TUT7: variants seen among roughly 807,000 people sequenced by gnomAD.
TUT7 encodes the protein terminal uridylyltransferase 7.
In TUT7, 33 loss-of-function variants were observed where a neutral mutation model predicts 165.9. That is an observed-to-expected ratio of 0.20 (90% CI 0.15 to 0.27). TUT7 has a LOEUF of 0.27. TUT7 is among the 10% of genes least tolerant of loss of function. TUT7 has a pLI of 1.00. For missense variants in TUT7, 1,338 were observed against 1,762.3 expected (o/e 0.76, Z 4.31); for synonymous variants, 552 against 608.1 (o/e 0.91, Z 1.36).
At chr9:86,313,476 A>C (rs1356424817) in intron 17 of TUT7, among the ~76,000 whole-genome samples, 1 of 152,218 alleles carries the variant, frequency 6.6e-6, no homozygotes, top group African/African-American at 2.4e-5. Context: ...TGATAGGGAT[A>C]TGTGAAGAGT....
At chr9:86,339,405 C>G (rs768333381) in intron 8 of TUT7, among the ~76,000 whole-genome samples, 1 of 152,106 alleles carries the variant, frequency 6.6e-6, no homozygotes, top group Non-Finnish European at 1.5e-5. Context: ...GTACTCCCAA[C>G]TACTCGGAAG....
chr9:86,340,911 G>T, intron 7 of TUT7, 91 bp downstream of exon 7: 1 of 968,568 alleles, frequency 1.0e-6, no homozygotes, highest in Non-Finnish European at 1.6e-6. Flanking sequence ...AATTTTAAAA[G>T]CATGCCTTGC....
intron 14 of TUT7, among the ~76,000 whole-genome samples, chr9:86,320,857 G>T (rs700765): frequency 6.6e-6 from 1 of 152,164 alleles, no homozygotes; most frequent in Admixed American, 6.5e-5. Context: ...AAAAAATGTC[G>T]CTCCCTTACC....
intron 22 of TUT7, among the ~76,000 whole-genome samples, chr9:86,307,470 A>C (rs531011756): frequency 5.1e-4 from 78 of 152,392 alleles, no homozygotes; most frequent in Non-Finnish European, 9.8e-4. Context: ...CAATAGGCAG[A>C]AATAATAATA....
In TUT7 at chr9:86,337,575, T is replaced by G. The variant is rs754100130; in HGVS notation, c.1336-37A>C. On this transcript the variant is annotated intron_variant, in intron 9 of 26. Transcript: ENST00000375963. ...AGAAAAGAAAGTTAAGCATTCTTTT[T>G]GTATGAATTTGTCATTTACACGATT... 7 of 1,578,680 alleles carry G rather than the reference T, an allele frequency of 4.4e-6. No homozygotes were observed. In the Admixed American group the frequency reaches 7.9e-5, roughly 18 times the overall value.
At chr9:86,295,348 C>T (rs1191438132) in intron 26 of TUT7, among the ~76,000 whole-genome samples, 1 of 151,696 alleles carries the variant, frequency 6.6e-6, no homozygotes, top group African/African-American at 2.4e-5. Context: ...TTTACAGCCC[C>T]CCTCCCCCAA....
At chr9:86,297,921 C>CTATTTTTTT (rs1826490625) in intron 26 of TUT7, among the ~76,000 whole-genome samples, 2 of 86,498 alleles carry the variant, frequency 2.3e-5, no homozygotes, top group African/African-American at 1.1e-4. Context: ...GCCTGCTCCA[C>CTATTTTTTT]TTTTTTTTTT....
At chr9:86,318,935 G>A (rs774293008) in intron 16 of TUT7, 23 bp downstream of exon 16, 2 of 1,574,102 alleles carry the variant, frequency 1.3e-6, no homozygotes, top group African/African-American at 2.7e-5. Context: ...ACAGCAAATG[G>A]AAGTTTTATG....
chr9:86,322,084 A>G (rs1829354817), intron 14 of TUT7, among the ~76,000 whole-genome samples: 1 of 152,022 alleles, frequency 6.6e-6, no homozygotes, highest in Non-Finnish European at 1.5e-5. Context: ...TCAAAATTTA[A>G]AAAAAAATTT....
At chr9:86,320,746 G>C (rs1355470143) in intron 14 of TUT7, among the ~76,000 whole-genome samples, 1 of 152,118 alleles carries the variant, frequency 6.6e-6, no homozygotes, top group East Asian at 1.9e-4. Flanking sequence ...GCCCCTCACA[G>C]AGACAGTACT....
chr9:86,315,625 T>G lies in TUT7; in HGVS notation c.3274+1594A>C, dbSNP rs372844054. Among the ~76,000 whole-genome samples the G allele has an allele frequency of 8.5e-5, 13 of 152,360 alleles. No homozygotes were observed. The East Asian group carries it at 2.3e-3, about 27-fold the overall frequency. On this transcript the variant is annotated intron_variant, in intron 17 of 26. Transcript: ENST00000375963. ...TAGTCACGCTAACTTAGTACTTCAG[T>G]TTCTTTGCACGACCTTCAAAACAAA... is the stretch of plus-strand genomic sequence containing the variant.
At chr9:86,336,548 G>GA (rs1437412148) in intron 10 of TUT7, among the ~76,000 whole-genome samples, 3 of 152,094 alleles carry the variant, frequency 2.0e-5, no homozygotes, top group Non-Finnish European at 4.4e-5. Flanking sequence ...TCAGTATAAG[G>GA]AAAAAATTCT....
Position 86,304,962 on chromosome 9 carries a change from AAG to A in TUT7, c.3887-17_3887-16del, listed in dbSNP as rs746568783. On this transcript the variant is annotated splice_polypyrimidine_tract_variant and intron_variant, in intron 23 of 26. Coordinates refer to ENST00000375963, the MANE Select transcript of TUT7 (RefSeq NM_024617.4). ...AAAATTTGTCACTAAAAAGAAGAGT[AAG>A]AACTCACTTAGGCGGGTTAAAAGGA... The A allele has an allele frequency of 1.2e-5, 18 of 1,552,934 alleles. No individual in the cohort carries two copies. In the South Asian group the frequency reaches 1.8e-4, roughly 16 times the overall value.
chr9:86,302,659 C>A (rs1449554984), intron 25 of TUT7, among the ~76,000 whole-genome samples: 1 of 149,078 alleles, frequency 6.7e-6, no homozygotes, highest in Non-Finnish European at 1.5e-5. Flanking sequence ...CTCTTTTGCC[C>A]AGGCTGGAGT....
intron 26 of TUT7, 52 bp from the exon 27 acceptor site, chr9:86,288,796 T>C (rs1422877494): frequency 2.1e-5 from 30 of 1,458,784 alleles, no homozygotes; most frequent in Non-Finnish European, 2.7e-5. Context: ...AGCCTCGCTT[T>C]ATGACAAAAG....
Position 86,352,904 on chromosome 9 carries a change from T to A in TUT7, c.296A>T (p.Lys99Met), listed in dbSNP as rs191747222. Residue 99 changes from lysine to methionine, a missense_variant, in exon 2 of 27, where the codon AAG (lysine) becomes ATG (methionine). By Grantham distance (95) the Lys-to-Met change is moderately conservative (BLOSUM62 -1). Coordinates refer to ENST00000375963, the MANE Select transcript of TUT7 (RefSeq NM_024617.4). ...AGTATGTTCATCAGACAGCCATCTCTTACTCTGATCTTTGTGGCTGTCATT... is the reference window on the plus strand; with the variant it reads ...AGTATGTTCATCAGACAGCCATCTCATACTCTGATCTTTGTGGCTGTCATT... ...WMNDSHKDQS[K>M]RWLSDEHTGN... 5 of 1,614,246 alleles carry A rather than the reference T, an allele frequency of 3.1e-6. No individual in the cohort carries two copies. In the Admixed American group the frequency reaches 6.7e-5, roughly 22 times the overall value.
At chr9:86,350,960 C>T (rs909477902) in intron 2 of TUT7, among the ~76,000 whole-genome samples, 28 of 151,850 alleles carry the variant, frequency 1.8e-4, no homozygotes, top group African/African-American at 6.5e-4. Flanking sequence ...GGGAGAAACC[C>T]TATCTCTATT....
chr9:86,301,857 C>T (rs1826941104), intron 25 of TUT7: 1 of 985,210 alleles, frequency 1.0e-6, no homozygotes, highest in African/African-American at 1.7e-5. Context: ...CAATTAGTGG[C>T]ACTCCTTGGC....
At chr9:86,330,484 C>A (rs950364475) in intron 10 of TUT7, among the ~76,000 whole-genome samples, 1 of 152,142 alleles carries the variant, frequency 6.6e-6, no homozygotes, top group Non-Finnish European at 1.5e-5. Context: ...AAATATTAGG[C>A]GTAGTGACTA....
Sources: gnomAD v4.1 joint callset for allele counts (sites outside exome capture counted in the v4.1 genomes callset) on GRCh38, gnomAD v4.1.1 for gene constraint, MANE v1.5 for transcripts, NCBI Gene and HGNC (gene_info 2026-07-23, HGNC 2026-07-21) for gene names.